SLC25A48: variants seen among roughly 807,000 people sequenced by gnomAD.
SLC25A48 encodes the protein CTC-321K16.1.
Under a neutral mutation model 32.2 loss-of-function variants are expected in SLC25A48, and 29 were observed. That is an observed-to-expected ratio of 0.90 (90% confidence interval 0.67 to 1.23). The LOEUF (loss-of-function observed/expected upper bound fraction) is 1.23. Ranked by LOEUF, SLC25A48 falls within the 50% of genes most tolerant of loss-of-function variation. The probability of loss-of-function intolerance (pLI) is 0.00; values close to 1 mark genes in which losing one functional copy is unlikely to be tolerated. For synonymous variants in SLC25A48, 164 were observed against 172.3 expected (o/e 0.95, Z 0.38); for missense variants, 399 against 422.7 (o/e 0.94, Z 0.49).
chr5:135,811,687 T>C, intron 3 of SLC25A48, among the ~76,000 whole-genome samples: 1 of 152,000 alleles, frequency 6.6e-6, no homozygotes, highest in East Asian at 1.9e-4. Flanking sequence ...CAATTAAAAA[T>C]GAGTAAGTAA....
At chr5:135,764,022 A>G (rs188263393) in intron 3 of SLC25A48, among the ~76,000 whole-genome samples, 21 of 152,232 alleles carry the variant, frequency 1.4e-4, no homozygotes, top group African/African-American at 5.1e-4. Flanking sequence ...GGGTGATATT[A>G]CTCCCCATAT....
At chr5:135,850,677 C>A (rs952938300) in intron 3 of SLC25A48, among the ~76,000 whole-genome samples, 181 bp downstream of exon 3, 3 of 152,204 alleles carry the variant, frequency 2.0e-5, no homozygotes, top group African/African-American at 7.2e-5. Context: ...CCTAAACTCA[C>A]CCCTGCCACT....
At chr5:135,753,338 A>C (rs1042475010) in intron 3 of SLC25A48, among the ~76,000 whole-genome samples, 4 of 152,002 alleles carry the variant, frequency 2.6e-5, no homozygotes, top group African/African-American at 7.3e-5. Flanking sequence ...AGTTACCCGC[A>C]CTATGATAGT....
At chr5:135,742,468 A>T in intron 3 of SLC25A48, 2 of 1,558,368 alleles carry the variant, frequency 1.3e-6, no homozygotes, top group South Asian at 2.4e-5. Flanking sequence ...GTGTGTTTTC[A>T]TCCTCTGCTA....
chr5:135,591,615 A>T (rs1000275788), intron 1 of SLC25A48, among the ~76,000 whole-genome samples: 4 of 152,094 alleles, frequency 2.6e-5, no homozygotes, highest in Admixed American at 2.6e-4. Flanking sequence ...GCTTTTCCTC[A>T]AACAGCCTGG....
chr5:135,608,551 A>G (rs1371709658), intron 1 of SLC25A48, among the ~76,000 whole-genome samples: 1 of 152,126 alleles, frequency 6.6e-6, no homozygotes, highest in Non-Finnish European at 1.5e-5. Context: ...GCAGATTTCT[A>G]TGTGGGGCTG....
At chr5:135,698,906 G>C (rs1754327532) in intron 3 of SLC25A48, among the ~76,000 whole-genome samples, 1 of 152,196 alleles carries the variant, frequency 6.6e-6, no homozygotes, top group African/African-American at 2.4e-5. Flanking sequence ...CACAAAGGAA[G>C]ATATGTGAAT....
chr5:135,788,721 G>T (rs1402397695), intron 3 of SLC25A48, among the ~76,000 whole-genome samples: 1 of 151,146 alleles, frequency 6.6e-6, no homozygotes, highest in African/African-American at 2.4e-5. Context: ...TATTCCCCAT[G>T]TGGCGGGAGG....
intron 3 of SLC25A48, among the ~76,000 whole-genome samples, chr5:135,811,232 A>G (rs902859758): frequency 6.6e-6 from 1 of 152,228 alleles, no homozygotes; most frequent in Non-Finnish European, 1.5e-5. Context: ...GAGGATGGGC[A>G]GGGCTGCTTC....
At chr5:135,722,687 A>G (rs1754984707) in intron 3 of SLC25A48, among the ~76,000 whole-genome samples, 1 of 152,234 alleles carries the variant, frequency 6.6e-6, no homozygotes, top group Non-Finnish European at 1.5e-5. Flanking sequence ...TAACGCATGT[A>G]AAGCTTTCAG....
chr5:135,738,440 GGAAGAGGTGACATTTGCTGCA>G (rs1755427952), intron 3 of SLC25A48, among the ~76,000 whole-genome samples: 1 of 152,178 alleles, frequency 6.6e-6, no homozygotes, highest in African/African-American at 2.4e-5. Context: ...GCAGCTGATG[GGAAGAGGTGACATTTGCTGCA>G]GAAGGTGGAG....
chr5:135,732,175 A>T (rs895859645), intron 3 of SLC25A48, among the ~76,000 whole-genome samples: 1 of 152,258 alleles, frequency 6.6e-6, no homozygotes, highest in African/African-American at 2.4e-5. Flanking sequence ...GTGTTTTTAA[A>T]AGACCATTAG....
At chr5:135,642,528 T>C (rs1290633405) in intron 3 of SLC25A48, among the ~76,000 whole-genome samples, 1 of 152,252 alleles carries the variant, frequency 6.6e-6, no homozygotes, top group Non-Finnish European at 1.5e-5. Context: ...TGGAAATAGA[T>C]GTATTTGCAA....
chr5:135,855,414 G>A (rs1760230485), intron 4 of SLC25A48, among the ~76,000 whole-genome samples: 1 of 152,172 alleles, frequency 6.6e-6, no homozygotes, highest in Admixed American at 6.5e-5. Context: ...TAGGACCTTT[G>A]CATATGTTCT....
chr5:135,585,194 C>T (rs944761422), intron 1 of SLC25A48, among the ~76,000 whole-genome samples: 5 of 152,224 alleles, frequency 3.3e-5, no homozygotes, highest in Non-Finnish European at 7.3e-5. Context: ...CCCCTCCATC[C>T]GGCCTCACTT....
chr5:135,814,657 A>G (rs1757672609), intron 4 of SLC25A48, among the ~76,000 whole-genome samples: 1 of 152,200 alleles, frequency 6.6e-6, no homozygotes, highest in South Asian at 2.1e-4. Context: ...AGGCACCCAG[A>G]CACACTGACC....
At chr5:135,733,596 C>G (rs190494667) in intron 3 of SLC25A48, among the ~76,000 whole-genome samples, 9 of 152,148 alleles carry the variant, frequency 5.9e-5, no homozygotes, top group Non-Finnish European at 1.2e-4. Context: ...AGTATTAAGG[C>G]AGCGGCAGCC....
upstream of SLC25A48, among the ~76,000 whole-genome samples, chr5:135,830,357 C>T (rs1426653395): frequency 6.6e-6 from 1 of 152,202 alleles, no homozygotes; most frequent in African/African-American, 2.4e-5. Flanking sequence ...CAGACACCAC[C>T]TAAGAGGAGA....
At chr5:135,654,916 T>A (rs1753207524) in intron 3 of SLC25A48, among the ~76,000 whole-genome samples, 1 of 152,244 alleles carries the variant, frequency 6.6e-6, no homozygotes, top group Admixed American at 6.5e-5. Context: ...GTGCTGAGCA[T>A]AAGGCTTGGC....
Sources: gnomAD v4.1 joint callset for allele counts (sites outside exome capture counted in the v4.1 genomes callset) on GRCh38, gnomAD v4.1.1 for gene constraint, MANE v1.5 for transcripts, NCBI Gene and HGNC (gene_info 2026-07-23, HGNC 2026-07-21) for gene names.